Variants in ADGRL3 observed in about 807,000 individuals in gnomAD.
ADGRL3 encodes calcium-independent alpha-latrotoxin receptor 3.
ADGRL3 carries 62 observed loss-of-function variants against 153.5 expected under a neutral mutation model. The ratio of observed to expected loss-of-function variants is 0.40; its 90% CI spans 0.33 to 0.50. ADGRL3 has a LOEUF of 0.50. Among genes scored for constraint, ADGRL3 ranks in the 20% least tolerant of loss-of-function variants. ADGRL3 has a pLI of 0.47. For missense variants in ADGRL3, 1,641 were observed against 1,859.4 expected, an observed-to-expected ratio of 0.88 and a Z score of 2.16; for synonymous variants, 710 against 672.5, an observed-to-expected ratio of 1.06 and a Z score of -0.86.
chr4:61,762,224 G>C (rs529680141), intron 8 of ADGRL3, among the ~76,000 whole-genome samples: 56 of 152,188 alleles, frequency 3.7e-4, no homozygotes, highest in African/African-American at 1.3e-3. Context: ...AAAGAACATT[G>C]ACAAATTTCT....
chr4:61,589,033 C>T (rs2098958279), intron 5 of ADGRL3, among the ~76,000 whole-genome samples: 2 of 152,014 alleles, frequency 1.3e-5, no homozygotes, highest in African/African-American at 2.4e-5. Flanking sequence ...TTATTAACAG[C>T]TCCAAAAATA....
At chr4:61,305,049 C>T (rs2094722654) in intron 1 of ADGRL3, among the ~76,000 whole-genome samples, 2 of 152,152 alleles carry the variant, frequency 1.3e-5, no homozygotes, top group Non-Finnish European at 2.9e-5. Flanking sequence ...GAAGAGAAGA[C>T]TGTTTTATTC....
chr4:61,724,002 T>C (rs1003839802), intron 6 of ADGRL3, among the ~76,000 whole-genome samples: 2 of 152,174 alleles, frequency 1.3e-5, no homozygotes, highest in Non-Finnish European at 2.9e-5. Flanking sequence ...AGTGTTATGA[T>C]TGTTACTATT....
In ADGRL3 at chr4:61,610,005, G is replaced by A. The variant is rs185466599; in HGVS notation, c.473+22565G>A. On this transcript the variant is annotated intron_variant, in intron 5 of 26. Transcript: ENST00000683033. Reference sequence around the variant, plus strand: ...ACATTTTTGAAAGTAAAAATGGGCAGTGTTAGTAATTATATCAAGATTATA... The same window carrying A: ...ACATTTTTGAAAGTAAAAATGGGCAATGTTAGTAATTATATCAAGATTATA... Among the ~76,000 whole-genome samples the A allele has an allele frequency of 2.4e-3, 359 of 152,048 alleles. 10 individuals carry two copies. Among genetic ancestry groups the A allele is most frequent in the Admixed American group, 0.022 (337 of 15,252 alleles).
chr4:61,939,015 T>C (rs1200726361), intron 15 of ADGRL3, among the ~76,000 whole-genome samples: 2 of 151,750 alleles, frequency 1.3e-5, no homozygotes, highest in African/African-American at 4.8e-5. Flanking sequence ...AAATAAGATA[T>C]AGGGCTTGAC....
intron 5 of ADGRL3, among the ~76,000 whole-genome samples, chr4:61,620,731 C>G (rs988510965): frequency 7.1e-6 from 1 of 141,762 alleles, no homozygotes; most frequent in African/African-American, 2.6e-5. Flanking sequence ...ACTTCTGCCT[C>G]TCGGGTTCAA....
At chr4:62,038,285 A>G (rs546925897) in intron 24 of ADGRL3, among the ~76,000 whole-genome samples, 1 of 152,266 alleles carries the variant, frequency 6.6e-6, no homozygotes, top group East Asian at 1.9e-4. Context: ...AAAAATAACT[A>G]TGACTCAACT....
At chr4:61,935,844 A>T in intron 14 of ADGRL3, 79 bp from the exon 15 acceptor site, 1 of 1,280,808 alleles carries the variant, frequency 7.8e-7, no homozygotes, top group Non-Finnish European at 1.1e-6. Flanking sequence ...TGATTTCAGA[A>T]ATACTGCAAT....
intron 2 of ADGRL3, among the ~76,000 whole-genome samples, chr4:61,388,581 C>T (rs1287702890): frequency 6.6e-6 from 1 of 152,198 alleles, no homozygotes; most frequent in African/African-American, 2.4e-5. Flanking sequence ...TGTCTGACCA[C>T]TTCTAACACC....
intron 2 of ADGRL3, among the ~76,000 whole-genome samples, chr4:61,388,734 C>T (rs976064365): frequency 2.0e-5 from 3 of 152,190 alleles, no homozygotes; most frequent in Non-Finnish European, 4.4e-5. Context: ...TCTCCAGCTG[C>T]CCTGGCTTCA....
At chr4:61,493,640 C>T (rs2152794469) in intron 2 of ADGRL3, among the ~76,000 whole-genome samples, 1 of 152,278 alleles carries the variant, frequency 6.6e-6, no homozygotes, top group East Asian at 1.9e-4. Flanking sequence ...AAGCACCACC[C>T]GTTGTGTGTT....
At chr4:61,873,907 A>T (rs1027520462) in intron 9 of ADGRL3, among the ~76,000 whole-genome samples, 1 of 152,010 alleles carries the variant, frequency 6.6e-6, no homozygotes, top group Non-Finnish European at 1.5e-5. Context: ...TTTACACCCA[A>T]ACTCACACAA....
intron 4 of ADGRL3, among the ~76,000 whole-genome samples, chr4:61,546,109 C>G (rs1209496452): frequency 2.0e-5 from 3 of 152,072 alleles, no homozygotes. Context: ...CTGCTCTTAC[C>G]CACTTGAAAT....
chr4:61,900,504 A>G (rs138740125), intron 11 of ADGRL3, among the ~76,000 whole-genome samples: 19 of 152,328 alleles, frequency 1.2e-4, no homozygotes, highest in African/African-American at 4.3e-4. Context: ...ATTTGTTGCG[A>G]ATAAACTAGC....
chr4:61,390,866 G>A (rs1260481211), intron 2 of ADGRL3, among the ~76,000 whole-genome samples: 1 of 152,128 alleles, frequency 6.6e-6, no homozygotes, highest in Non-Finnish European at 1.5e-5. Context: ...CCACTGGTCT[G>A]TTCTCCATTC....
intron 5 of ADGRL3, among the ~76,000 whole-genome samples, chr4:61,643,499 G>T (rs1331992180): frequency 6.7e-6 from 1 of 148,392 alleles, no homozygotes; most frequent in Non-Finnish European, 1.5e-5. Context: ...TTAGCATGAA[G>T]GGTTGTTGAA....
chr4:61,518,978 A>T (rs1368965522), intron 4 of ADGRL3, among the ~76,000 whole-genome samples: 8 of 152,172 alleles, frequency 5.3e-5, no homozygotes, highest in African/African-American at 1.9e-4. Context: ...CTTATGATTT[A>T]TATTGTAAAA....
intron 8 of ADGRL3, among the ~76,000 whole-genome samples, chr4:61,786,472 C>T (rs533008745): frequency 1.3e-5 from 2 of 152,110 alleles, no homozygotes; most frequent in South Asian, 2.1e-4. Flanking sequence ...GAAGAGCATT[C>T]GTGAGATGAT....
intron 4 of ADGRL3, among the ~76,000 whole-genome samples, chr4:61,538,028 T>C (rs1464093111): frequency 6.6e-6 from 1 of 152,228 alleles, no homozygotes; most frequent in Non-Finnish European, 1.5e-5. Context: ...TTTGGAGGTC[T>C]CTAAATACTC....
Sources: gnomAD v4.1 joint callset for allele counts (sites outside exome capture counted in the v4.1 genomes callset) on GRCh38, gnomAD v4.1.1 for gene constraint, MANE v1.5 for transcripts, NCBI Gene and HGNC (gene_info 2026-07-23, HGNC 2026-07-21) for gene names.